The following SMOC2 variants were observed in gnomAD, a reference collection of about 807,000 sequenced individuals.
SMOC2 encodes the protein SPARC-related modular calcium-binding protein 2.
Under a neutral mutation model 61.4 loss-of-function variants are expected in SMOC2, and 39 were observed. The observed-to-expected ratio is 0.64, with a 90% CI of 0.49 to 0.83. The LOEUF (loss-of-function observed/expected upper bound fraction) is 0.83, where lower values mean the gene tolerates loss of function less well. SMOC2 is among the 40% of genes least tolerant of loss of function. The pLI is 0.00. For synonymous variants in SMOC2, 247 were observed against 239.9 expected (o/e 1.03, Z -0.27); for missense variants, 556 against 592.9 (o/e 0.94, Z 0.65).
chr6:168,568,451 C>T (rs368627596), intron 7 of SMOC2, among the ~76,000 whole-genome samples: 1 of 152,166 alleles, frequency 6.6e-6, no homozygotes, highest in Non-Finnish European at 1.5e-5. Context: ...AATTGCTGAA[C>T]AAATATTGAT....
chr6:168,653,606 A>C (rs538765881), intron 11 of SMOC2, among the ~76,000 whole-genome samples: 108 of 149,918 alleles, frequency 7.2e-4, no homozygotes, highest in African/African-American at 2.6e-3. Flanking sequence ...GAACTCACCA[A>C]CCCTGCTCCT....
chr6:168,577,836 G>T (rs1282926199), intron 7 of SMOC2, among the ~76,000 whole-genome samples: 1 of 152,204 alleles, frequency 6.6e-6, no homozygotes, highest in Non-Finnish European at 1.5e-5. Flanking sequence ...GATGTTCCCT[G>T]AGCTGAGTCC....
chr6:168,634,978 A>C (rs1325480241), intron 9 of SMOC2, among the ~76,000 whole-genome samples: 1 of 152,232 alleles, frequency 6.6e-6, no homozygotes, highest in African/African-American at 2.4e-5. Flanking sequence ...TGCTCATTTA[A>C]ACAATGAGTT....
At chr6:168,532,681 C>T (rs1008293170) in intron 4 of SMOC2, among the ~76,000 whole-genome samples, 4 of 152,162 alleles carry the variant, frequency 2.6e-5, no homozygotes, top group African/African-American at 4.8e-5. Context: ...TTTAATATTA[C>T]AATATTCAAA....
chr6:168,494,809 G>A (rs1158409361), intron 1 of SMOC2, among the ~76,000 whole-genome samples: 7 of 152,186 alleles, frequency 4.6e-5, no homozygotes, highest in African/African-American at 1.4e-4. Flanking sequence ...TGGGAAGGGC[G>A]GGCACCACTT....
At chr6:168,647,182 C>T (rs567764784) in intron 9 of SMOC2, among the ~76,000 whole-genome samples, 3 of 152,228 alleles carry the variant, frequency 2.0e-5, no homozygotes, top group Non-Finnish European at 2.9e-5. Context: ...TGGAACTGTC[C>T]CAAAATAAAG....
In SMOC2 at chr6:168,538,454, C is replaced by T. The variant is rs189226102; in HGVS notation, c.464-5171C>T. The stretch of plus-strand genomic sequence containing the variant: ...CTGGAATGTGGGGGAGTGGGGTGAC[C>T]GCTGCTGGAATGTGGGGGAGTGCGG... On this transcript the variant is annotated intron_variant, in intron 4 of 12. Coordinates refer to ENST00000356284, the MANE Select transcript of SMOC2 (RefSeq NM_001166412.2). Among the ~76,000 whole-genome samples, 252 of 95,640 alleles carry T rather than the reference C, an allele frequency of 2.6e-3. 7 individuals are homozygous for T. The highest frequency in any genetic ancestry group is 0.011 in the African/African-American group (233 of 21,592). 62.7% of individuals were successfully genotyped at this position (95,640 alleles called of 152,430 possible). A position where few individuals can be genotyped will look rare whatever the true frequency, so the allele number is the denominator to read the frequency against.
chr6:168,479,723 A>G (rs2115021932), intron 1 of SMOC2, among the ~76,000 whole-genome samples: 1 of 152,300 alleles, frequency 6.6e-6, no homozygotes, highest in South Asian at 2.1e-4. Flanking sequence ...AATATGAGGA[A>G]GCTGTGCTGT....
intron 1 of SMOC2, among the ~76,000 whole-genome samples, chr6:168,464,743 ATT>A (rs1293851874): frequency 6.6e-6 from 1 of 152,208 alleles, no homozygotes; most frequent in African/African-American, 2.4e-5. Flanking sequence ...AGGTTTCCAG[ATT>A]TCTCTCCAGA....
At chr6:168,586,104 G>C (rs2115166089) in intron 7 of SMOC2, among the ~76,000 whole-genome samples, 1 of 152,036 alleles carries the variant, frequency 6.6e-6, no homozygotes, top group South Asian at 2.1e-4. Context: ...TTTTCTTTTA[G>C]AGTCTTTATA....
intron 4 of SMOC2, among the ~76,000 whole-genome samples, chr6:168,542,148 T>C (rs1170931503): frequency 1.3e-5 from 2 of 152,152 alleles, no homozygotes; most frequent in African/African-American, 2.4e-5. Context: ...ATGATAAAAA[T>C]AAACTGATGA....
chr6:168,519,031 GTGTA>G (rs56768256), intron 2 of SMOC2, among the ~76,000 whole-genome samples: 73,702 of 147,992 alleles, frequency 0.5, 21,471 homozygotes, highest in Non-Finnish European at 0.68. Flanking sequence ...GAACATGTGT[GTGTA>G]TGTGTGCATG....
chr6:168,590,219 C>T (rs1785144460), intron 7 of SMOC2, among the ~76,000 whole-genome samples: 1 of 78,834 alleles, frequency 1.3e-5, no homozygotes, highest in Non-Finnish European at 2.5e-5. Context: ...TGGTGTTGGT[C>T]AGGTGTGGCA....
intron 9 of SMOC2, among the ~76,000 whole-genome samples, chr6:168,636,188 C>T (rs1426900672): frequency 6.6e-6 from 1 of 152,172 alleles, no homozygotes; most frequent in Non-Finnish European, 1.5e-5. Flanking sequence ...GGTTCTAATG[C>T]AGGTGTCCTC....
At chr6:168,476,100 T>C (rs1014536792) in intron 1 of SMOC2, among the ~76,000 whole-genome samples, 10 of 152,138 alleles carry the variant, frequency 6.6e-5, no homozygotes, top group African/African-American at 2.4e-4. Flanking sequence ...ATTTAATATA[T>C]TGATTTCTGA....
chr6:168,574,733 T>C (rs2342632), intron 7 of SMOC2, among the ~76,000 whole-genome samples: 80,653 of 151,794 alleles, frequency 0.53, 23,696 homozygotes, highest in African/African-American at 0.8. Context: ...GACTCGGCGC[T>C]CTGTCCTTCC....
chr6:168,480,751 A>C (rs1782187092), intron 1 of SMOC2, among the ~76,000 whole-genome samples: 1 of 152,308 alleles, frequency 6.6e-6, no homozygotes, highest in South Asian at 2.1e-4. Flanking sequence ...AATGTACTCT[A>C]AGAAAGTCAC....
chr6:168,665,384 T>A (rs1346688534), intron 12 of SMOC2, among the ~76,000 whole-genome samples: 1 of 152,280 alleles, frequency 6.6e-6, no homozygotes, highest in African/African-American at 2.4e-5. Flanking sequence ...GCAAGCCAGC[T>A]GCGGCTCCTA....
chr6:168,532,180 G>C (rs760310122), intron 4 of SMOC2, among the ~76,000 whole-genome samples: 1 of 152,110 alleles, frequency 6.6e-6, no homozygotes, highest in Non-Finnish European at 1.5e-5. Context: ...AGAGATGTAT[G>C]CACTCCTCAG....
Sources: allele counts gnomAD v4.1 joint callset (sites outside exome capture counted in the v4.1 genomes callset), GRCh38; gene constraint gnomAD v4.1.1; transcripts MANE v1.5; gene names NCBI Gene and HGNC (gene_info 2026-07-23, HGNC 2026-07-21).